Variants in CHD6 observed in about 807,000 individuals in gnomAD.
The protein encoded by CHD6 is ATP-dependent chromatin remodeler CHD6.
Under a neutral mutation model 276.9 loss-of-function variants are expected in CHD6, and 50 were observed. The ratio of observed to expected loss-of-function variants is 0.18; its 90% confidence interval spans 0.14 to 0.23. The LOEUF is 0.23. Among genes scored for constraint, CHD6 ranks in the 10% least tolerant of loss-of-function variants. The probability of loss-of-function intolerance (pLI) is 1.00; values close to 1 mark genes in which losing one functional copy is unlikely to be tolerated. For synonymous variants in CHD6, 1,173 were observed against 1,229.3 expected, an observed-to-expected ratio of 0.95 and a Z score of 0.96; for missense variants, 2,564 against 3,365.8, an observed-to-expected ratio of 0.76 and a Z score of 5.89.
At chr20:41,437,969 T>C (rs1412546891) in intron 26 of CHD6, among the ~76,000 whole-genome samples, 1 of 152,178 alleles carries the variant, frequency 6.6e-6, no homozygotes, top group African/African-American at 2.4e-5. Flanking sequence ...CTCAGGCAAG[T>C]TCAGAAAAAG....
chr20:41,558,608 C>CT (rs756033158), intron 1 of CHD6, among the ~76,000 whole-genome samples: 1 of 152,174 alleles, frequency 6.6e-6, no homozygotes, highest in Non-Finnish European at 1.5e-5. Flanking sequence ...TGAAAGTTTT[C>CT]TTTTTTTAAA....
intron 27 of CHD6, among the ~76,000 whole-genome samples, chr20:41,433,610 A>G (rs1251486839): frequency 6.6e-6 from 1 of 152,168 alleles, no homozygotes; most frequent in African/African-American, 2.4e-5. Flanking sequence ...GAAGAGCTAA[A>G]GAGATTTCTC....
intron 1 of CHD6, among the ~76,000 whole-genome samples, chr20:41,565,869 A>C (rs908648031): frequency 6.6e-6 from 1 of 152,254 alleles, no homozygotes; most frequent in African/African-American, 2.4e-5. Flanking sequence ...AGGCTGACCA[A>C]TGATAAATAT....
At chr20:41,604,001 C>T (rs1161989170) in intron 1 of CHD6, among the ~76,000 whole-genome samples, 2 of 110,954 alleles carry the variant, frequency 1.8e-5, no homozygotes, top group African/African-American at 3.5e-5. Flanking sequence ...TGTGCGCATG[C>T]GTGTTTGTAT....
intron 1 of CHD6, among the ~76,000 whole-genome samples, chr20:41,551,572 C>A (rs897455431): frequency 6.6e-6 from 1 of 152,056 alleles, no homozygotes; most frequent in African/African-American, 2.4e-5. Context: ...AAAATGAAGT[C>A]AAAAAGATAT....
At chr20:41,573,874 A>G (rs2045444813) in intron 1 of CHD6, among the ~76,000 whole-genome samples, 1 of 152,186 alleles carries the variant, frequency 6.6e-6, no homozygotes, top group Non-Finnish European at 1.5e-5. Context: ...GCTCTAGAGA[A>G]ATCAATTCAG....
intron 1 of CHD6, among the ~76,000 whole-genome samples, chr20:41,569,571 A>AC (rs1289313625): frequency 6.6e-6 from 1 of 152,174 alleles, no homozygotes; most frequent in African/African-American, 2.4e-5. Flanking sequence ...GTTTCTTGGT[A>AC]AACAGTACCA....
At chr20:41,605,815 A>G (rs2045821589) in intron 1 of CHD6, among the ~76,000 whole-genome samples, 1 of 152,242 alleles carries the variant, frequency 6.6e-6, no homozygotes, top group African/African-American at 2.4e-5. Context: ...ATTCTATTTA[A>G]TAACAAAAAG....
intron 1 of CHD6, among the ~76,000 whole-genome samples, chr20:41,587,054 C>T (rs1011463113): frequency 6.6e-6 from 1 of 152,056 alleles, no homozygotes; most frequent in Non-Finnish European, 1.5e-5. Context: ...CATAACTAAT[C>T]ATAACATAGA....
At position 41,533,264 on chromosome 20, in the gene CHD6, T is replaced by C. The variant is rs1341487284; in HGVS notation, c.340A>G (p.Arg114Gly). Residue 114 changes from arginine to glycine, a missense_variant, in exon 3 of 37, where the codon AGA becomes GGA. By Grantham distance (125) the Arg-to-Gly change is moderately radical. Coordinates refer to ENST00000373233, the MANE Select transcript of CHD6 (RefSeq NM_032221.5). Reference protein sequence around the residue: ...QEGAAKGSKDREPKPKRKREP... With the variant: ...QEGAAKGSKDGEPKPKRKREP... ...CGTTTCCTCTTTGGCTTGGGCTCTCTGTCCTTGCTTCCCTTTGCTGCACCC... is the reference window on the plus strand; with the variant it reads ...CGTTTCCTCTTTGGCTTGGGCTCTCCGTCCTTGCTTCCCTTTGCTGCACCC... 3.1e-6 allele frequency: 5 copies of C among 1,613,652 alleles called. No individual in the cohort carries two copies. Among genetic ancestry groups the C allele is most frequent in the Non-Finnish European group, 4.2e-6 (5 of 1,179,958 alleles).
chr20:41,490,351 C>A (rs1172350208), intron 11 of CHD6, among the ~76,000 whole-genome samples: 1 of 152,178 alleles, frequency 6.6e-6, no homozygotes, highest in Admixed American at 6.5e-5. Flanking sequence ...CTACTACATA[C>A]CTAGGCTATG....
At chr20:41,480,475 A>G (rs2043269851) in intron 16 of CHD6, among the ~76,000 whole-genome samples, 1 of 152,210 alleles carries the variant, frequency 6.6e-6, no homozygotes, top group South Asian at 2.1e-4. Flanking sequence ...ACATGACATA[A>G]CTCAGCTGTA....
rs1290955497 is a variant in CHD6, at chr20:41,549,336, C to T, written c.33+1969G>A. On this transcript the variant is annotated intron_variant, in intron 2 of 36. Coordinates refer to ENST00000373233, the MANE Select transcript of CHD6 (RefSeq NM_032221.5). ...CCATAAAAAATGATGAGTTCATGTC[C>T]TTTGTAGGGACATGGATGAAGCTGG... Among the ~76,000 whole-genome samples the T allele has an allele frequency of 7.9e-4, 119 of 150,796 alleles. 1 individual carries two copies. The highest frequency in any genetic ancestry group is 2.7e-3 in the African/African-American group (110 of 40,876).
chr20:41,547,829 C>T (rs570067962), intron 2 of CHD6: 11 of 464,998 alleles, frequency 2.4e-5, no homozygotes, highest in South Asian at 1.7e-4. Flanking sequence ...TGGGGACTGA[C>T]TACTGCCCAG....
chr20:41,529,458 C>T (rs914334405), intron 3 of CHD6, among the ~76,000 whole-genome samples: 5 of 152,088 alleles, frequency 3.3e-5, no homozygotes, highest in African/African-American at 9.7e-5. Context: ...TGTGGGTCTC[C>T]GTTTCCCTGG....
At chr20:41,530,878 G>T (rs1400814635) in intron 3 of CHD6, among the ~76,000 whole-genome samples, 1 of 152,168 alleles carries the variant, frequency 6.6e-6, no homozygotes, top group South Asian at 2.1e-4. Context: ...AAAAGGTTCT[G>T]CTGTCTTCTA....
intron 1 of CHD6, among the ~76,000 whole-genome samples, chr20:41,586,510 C>G (rs935852127): frequency 6.6e-6 from 1 of 152,182 alleles, no homozygotes; most frequent in African/African-American, 2.4e-5. Context: ...AGGTTCCATT[C>G]CTTAGAATCT....
In CHD6 at chr20:41,480,305, G is replaced by C. The variant is rs57227551; in HGVS notation, c.2468+3004C>G. ...GAGGCCCCAGAAGGTATGGCCTAGA[G>C]AAGAGGAAACTGATGTGTTGGAACA... On this transcript the variant is annotated intron_variant, in intron 16 of 36. Coordinates refer to ENST00000373233, the MANE Select transcript of CHD6 (RefSeq NM_032221.5). 4.5e-3 allele frequency among the ~76,000 whole-genome samples: 681 copies of C among 152,322 alleles called. 5 individuals are homozygous for C. Among genetic ancestry groups the C allele is most frequent in the African/African-American group, 0.016 (652 of 41,572 alleles).
intron 1 of CHD6, among the ~76,000 whole-genome samples, chr20:41,592,398 G>C (rs999139042): frequency 2.0e-5 from 3 of 152,100 alleles, no homozygotes; most frequent in Non-Finnish European, 4.4e-5. Flanking sequence ...TGGAGTAATA[G>C]GTAATGTTTA....
Sources: gnomAD v4.1 joint callset for allele counts (sites outside exome capture counted in the v4.1 genomes callset) on GRCh38, gnomAD v4.1.1 for gene constraint, MANE v1.5 for transcripts, NCBI Gene and HGNC (gene_info 2026-07-23, HGNC 2026-07-21) for gene names.